TGFBR2: variants seen among roughly 807,000 people sequenced by gnomAD.
The protein encoded by TGFBR2 is TGF-beta receptor type-2.
TGFBR2 carries 18 observed loss-of-function variants against 49.0 expected under a neutral mutation model. That is an observed-to-expected ratio of 0.37 (90% confidence interval 0.25 to 0.54). TGFBR2 has a LOEUF of 0.54. Ranked by LOEUF, TGFBR2 falls within the 20% of genes least tolerant of loss-of-function variation. TGFBR2 has a pLI of 0.85. For missense variants in TGFBR2, 525 were observed against 722.6 expected (o/e 0.73, Z 3.13); for synonymous variants, 282 against 275.9 (o/e 1.02, Z -0.22).
chr3:30,647,674 T>C (rs1247981394), intron 2 of TGFBR2, among the ~76,000 whole-genome samples: 1 of 151,818 alleles, frequency 6.6e-6, no homozygotes, highest in Admixed American at 6.6e-5. Flanking sequence ...CCAAAATTAT[T>C]ATTATTATTA....
chr3:30,664,044 G>A (rs2125425429), intron 3 of TGFBR2, among the ~76,000 whole-genome samples: 2 of 152,120 alleles, frequency 1.3e-5, no homozygotes, highest in African/African-American at 4.8e-5. Flanking sequence ...AAATGCAGTG[G>A]CACCATTATA....
intron 1 of TGFBR2, among the ~76,000 whole-genome samples, chr3:30,608,986 G>C (rs947146459): frequency 6.6e-6 from 1 of 152,148 alleles, no homozygotes; most frequent in Admixed American, 6.5e-5. Context: ...TGTTTACAAG[G>C]ATAAGGTTTA....
At chr3:30,669,292 T>C (rs1231055157) in intron 3 of TGFBR2, among the ~76,000 whole-genome samples, 1 of 150,654 alleles carries the variant, frequency 6.6e-6, no homozygotes, top group African/African-American at 2.4e-5. Context: ...AAGTATCAGA[T>C]GCTGAAGTAG....
intron 3 of TGFBR2, among the ~76,000 whole-genome samples, chr3:30,653,181 G>A (rs1399750850): frequency 6.6e-6 from 1 of 151,352 alleles, no homozygotes; most frequent in Admixed American, 6.6e-5. Flanking sequence ...GCAGACATTA[G>A]GAGCAACATT....
At chr3:30,661,567 C>G (rs747847996) in intron 3 of TGFBR2, 7 of 514,804 alleles carry the variant, frequency 1.4e-5, no homozygotes, top group Non-Finnish European at 1.9e-5. Flanking sequence ...TTCAAACAAT[C>G]GATTGCAAAG....
At chr3:30,684,100 TC>T (rs17026243) in intron 5 of TGFBR2, among the ~76,000 whole-genome samples, 2,812 of 152,206 alleles carry the variant, frequency 0.018, 31 homozygotes, top group Non-Finnish European at 0.03. Context: ...ATCCTACAAG[TC>T]CTAATGGAGG....
At chr3:30,685,409 C>T (rs17026262) in intron 5 of TGFBR2, among the ~76,000 whole-genome samples, 2,738 of 152,234 alleles carry the variant, frequency 0.018, 74 homozygotes, top group African/African-American at 0.061. Flanking sequence ...ACTTCCTTGG[C>T]GGCTGTGTTG....
chr3:30,610,325 A>AT (rs5847645), intron 1 of TGFBR2, among the ~76,000 whole-genome samples: 107,967 of 151,196 alleles, frequency 0.71, 39,739 homozygotes, highest in East Asian at 0.87. Flanking sequence ...CAAAAGCCTC[A>AT]TTTTTTTTTG....
Position 30,693,727 on chromosome 3 carries a change from G to C in TGFBR2, c.*2128G>C, listed in dbSNP as rs1415476347. The C allele has an allele frequency of 4.3e-6, 1 of 233,552 alleles. No individual in the cohort carries two copies. Among genetic ancestry groups the C allele is most frequent in the Non-Finnish European group, 8.5e-6 (1 of 117,974 alleles). 14.5% of individuals were successfully genotyped at this position (233,552 alleles called of 1,614,324 possible). ...ATTGACCTCTAGTGGTGAGTTTCTA[G>C]AATACTGGTCCATTCATGAGATATT... On this transcript the variant is annotated 3_prime_UTR_variant, in exon 7 of 7. Coordinates refer to ENST00000295754, the MANE Select transcript of TGFBR2 (RefSeq NM_003242.6).
chr3:30,652,229 G>GTT (rs1204611735), intron 3 of TGFBR2, among the ~76,000 whole-genome samples: 34 of 81,904 alleles, frequency 4.2e-4, no homozygotes, highest in African/African-American at 1.2e-3. Flanking sequence ...TTCTTTTCTG[G>GTT]TTGTTTTTTT....
At chr3:30,645,182 A>G (rs558798342) in intron 2 of TGFBR2, among the ~76,000 whole-genome samples, 22 of 152,268 alleles carry the variant, frequency 1.4e-4, no homozygotes, top group African/African-American at 5.3e-4. Flanking sequence ...GATCTTTAAT[A>G]TAATAAATCT....
intron 6 of TGFBR2, among the ~76,000 whole-genome samples, chr3:30,690,369 A>G (rs1699689803): frequency 6.6e-6 from 1 of 152,234 alleles, no homozygotes; most frequent in South Asian, 2.1e-4. Flanking sequence ...GATCTCCTGG[A>G]TGGTCTCCTT....
intron 1 of TGFBR2, among the ~76,000 whole-genome samples, chr3:30,612,770 A>G (rs763926161): frequency 6.6e-6 from 1 of 152,156 alleles, no homozygotes; most frequent in Non-Finnish European, 1.5e-5. Flanking sequence ...GATGAGGGCA[A>G]GAAGAGCCGA....
chr3:30,644,705 G>A (rs367564379), intron 1 of TGFBR2, 42 bp from the exon 2 acceptor site: 9 of 1,590,262 alleles, frequency 5.7e-6, no homozygotes, highest in Non-Finnish European at 7.8e-6. Context: ...CAGGCTGCCT[G>A]GCAGTTGGAT....
At chr3:30,618,207 G>C (rs995420426) in intron 1 of TGFBR2, among the ~76,000 whole-genome samples, 9 of 151,668 alleles carry the variant, frequency 5.9e-5, no homozygotes, top group African/African-American at 2.2e-4. Flanking sequence ...TAGAACCCAA[G>C]GACCCATTTC....
chr3:30,643,512 C>T (rs1313555460), intron 1 of TGFBR2, among the ~76,000 whole-genome samples: 1 of 152,174 alleles, frequency 6.6e-6, no homozygotes, highest in Non-Finnish European at 1.5e-5. Flanking sequence ...AGTCTGTCTT[C>T]CATATTTTAT....
At chr3:30,675,562 T>A (rs191665811) in intron 5 of TGFBR2, among the ~76,000 whole-genome samples, 4 of 152,214 alleles carry the variant, frequency 2.6e-5, no homozygotes, top group Non-Finnish European at 4.4e-5. Context: ...AATATTTGTA[T>A]TTTTAGTAGA....
chr3:30,631,621 C>CTTTTTT (rs71093918), intron 1 of TGFBR2, among the ~76,000 whole-genome samples: 58 of 115,298 alleles, frequency 5.0e-4, no homozygotes, highest in Non-Finnish European at 6.6e-4. Context: ...CAACTTCTTT[C>CTTTTTT]TTTTTTTTTT....
intron 2 of TGFBR2, among the ~76,000 whole-genome samples, chr3:30,648,344 G>A (rs1011299443): frequency 7.3e-5 from 11 of 151,392 alleles, no homozygotes; most frequent in South Asian, 4.2e-4. Flanking sequence ...CTCTATAAGC[G>A]TCACAAGGAA....
Sources: gnomAD v4.1 joint callset for allele counts (sites outside exome capture counted in the v4.1 genomes callset) on GRCh38, gnomAD v4.1.1 for gene constraint, MANE v1.5 for transcripts, NCBI Gene and HGNC (gene_info 2026-07-23, HGNC 2026-07-21) for gene names.